Variants in TRIO observed in about 807,000 individuals in gnomAD.
The protein encoded by TRIO is trio Rho guanine nucleotide exchange factor, also known as triple functional domain protein.
In TRIO, 58 loss-of-function variants were observed where a neutral mutation model predicts 351.9. That is an observed-to-expected ratio of 0.16 (90% CI 0.13 to 0.21). The LOEUF (loss-of-function observed/expected upper bound fraction) is 0.21, where lower values mean the gene tolerates loss of function less well. TRIO is among the 10% of genes least tolerant of loss of function. The pLI, the probability that TRIO is intolerant of heterozygous loss-of-function variation, is 1.00. For missense variants in TRIO, 3,201 were observed against 4,027.8 expected (o/e 0.79, Z 5.56); for synonymous variants, 1,758 against 1,595.7 (o/e 1.10, Z -2.42).
intron 19 of TRIO, among the ~76,000 whole-genome samples, chr5:14,376,248 C>T (rs1400712812): frequency 6.6e-6 from 1 of 152,162 alleles, no homozygotes; most frequent in African/African-American, 2.4e-5. Flanking sequence ...TTACCGGGAA[C>T]CCTTTATTTG....
At chr5:14,308,323 CCCATCCAT>C (rs368151550) in intron 8 of TRIO, among the ~76,000 whole-genome samples, 1 of 147,818 alleles carries the variant, frequency 6.8e-6, no homozygotes, top group South Asian at 2.2e-4. Flanking sequence ...CACCCAACCA[CCCATCCAT>C]CCATCCACCC....
intron 1 of TRIO, among the ~76,000 whole-genome samples, chr5:14,227,420 A>G (rs537657678): frequency 6.6e-6 from 1 of 152,358 alleles, no homozygotes; most frequent in Non-Finnish European, 1.5e-5. Context: ...GTGTAACTCT[A>G]GACTTCTGAT....
At chr5:14,421,920 A>G (rs528203196) in intron 34 of TRIO, among the ~76,000 whole-genome samples, 2 of 152,216 alleles carry the variant, frequency 1.3e-5, no homozygotes, top group South Asian at 4.1e-4. Flanking sequence ...GGAAGCAGAG[A>G]CCCAGGCTTG....
In TRIO at chr5:14,207,460, C is replaced by T. The variant is rs55993704; in HGVS notation, c.158-63365C>T. On this transcript the variant is annotated intron_variant, in intron 1 of 56. Coordinates refer to ENST00000344204, the MANE Select transcript of TRIO (RefSeq NM_007118.4). ...GCCAGGTAGCATAGCAAGACTGTCT[C>T]TCTACACACACACACACACACACAC... is the stretch of plus-strand genomic sequence containing the variant. Among the ~76,000 whole-genome samples, 166 of 41,116 alleles carry T rather than the reference C, an allele frequency of 4.0e-3. 13 individuals carry two copies. Among genetic ancestry groups the T allele is most frequent in the African/African-American group, 0.017 (157 of 9,030 alleles). The allele number at this position is 41,116 out of a possible 152,430, so 27.0% of individuals were successfully genotyped here.
intron 1 of TRIO, among the ~76,000 whole-genome samples, chr5:14,220,617 G>T (rs1380166075): frequency 6.6e-6 from 1 of 152,150 alleles, no homozygotes. Context: ...ACACACAAAT[G>T]ATAAGAAATC....
intron 13 of TRIO, 80 bp downstream of exon 13, chr5:14,359,611 G>A (rs970385576): frequency 2.6e-6 from 4 of 1,522,082 alleles, no homozygotes; most frequent in Admixed American, 1.8e-5. Flanking sequence ...TCTTGTCTCT[G>A]CCCTGCTGAG....
At chr5:14,448,112 G>A (rs77130623) in intron 34 of TRIO, among the ~76,000 whole-genome samples, 2,183 of 152,332 alleles carry the variant, frequency 0.014, 43 homozygotes, top group African/African-American at 0.05. Flanking sequence ...TACGCATGCT[G>A]AATTTGTTTT....
chr5:14,282,848 A>G (rs1216755749), intron 3 of TRIO, among the ~76,000 whole-genome samples: 1 of 152,184 alleles, frequency 6.6e-6, no homozygotes, highest in Non-Finnish European at 1.5e-5. Flanking sequence ...GTCCCAAGTG[A>G]CAAGAAATGC....
rs1421878691 is a variant in TRIO, at chr5:14,390,285, T to C, written c.4113T>C (p.His1371=). Residue 1371 remains histidine, a synonymous_variant, in exon 26 of 57, where the codon CAT becomes CAC. Coordinates refer to ENST00000344204, the MANE Select transcript of TRIO (RefSeq NM_007118.4). The stretch of plus-strand genomic sequence containing the variant: ...AACAGTTGCCAGAGGATGTTGGACA[T>C]TGTTTTGTTACTTGGGTAATGAAAC... ...KYEQLPEDVG[H]CFVTWADKFQ... 1 of 1,613,958 alleles carries C rather than the reference T, an allele frequency of 6.2e-7. No individual in the cohort carries two copies. Among genetic ancestry groups the C allele is most frequent in the African/African-American group, 1.3e-5 (1 of 74,934 alleles).
At chr5:14,182,931 C>T (rs1789882100) in intron 1 of TRIO, among the ~76,000 whole-genome samples, 1 of 151,254 alleles carries the variant, frequency 6.6e-6, no homozygotes, top group South Asian at 2.1e-4. Flanking sequence ...CATTTGCGTG[C>T]CCCTGCCTGC....
intron 53 of TRIO, chr5:14,499,169 C>T (rs1757104276): frequency 6.5e-6 from 1 of 153,288 alleles, no homozygotes; most frequent in Admixed American, 6.5e-5. Flanking sequence ...ACGCCCTCCT[C>T]ACCCCATCCA....
At chr5:14,360,391 G>A (rs1355510510) in intron 13 of TRIO, among the ~76,000 whole-genome samples, 1 of 152,192 alleles carries the variant, frequency 6.6e-6, no homozygotes, top group Non-Finnish European at 1.5e-5. Flanking sequence ...AGGAGCCTAA[G>A]CTCCCCTCAG....
intron 29 of TRIO, 142 bp from the exon 30 acceptor site, chr5:14,398,736 CGA>C: frequency 1.4e-6 from 1 of 714,508 alleles, no homozygotes; most frequent in Non-Finnish European, 2.3e-6. Flanking sequence ...TCAGTGGCGT[CGA>C]GTCAGGATCA....
chr5:14,409,759 C>T (rs575147571), intron 33 of TRIO, among the ~76,000 whole-genome samples: 4 of 150,006 alleles, frequency 2.7e-5, no homozygotes, highest in Non-Finnish European at 5.9e-5. Context: ...GGCATGAACC[C>T]GGGAGGCAGA....
intron 34 of TRIO, among the ~76,000 whole-genome samples, chr5:14,426,228 A>T (rs1750628792): frequency 2.7e-5 from 1 of 36,726 alleles, no homozygotes; most frequent in Admixed American, 3.0e-4. Context: ...ACGCACATGT[A>T]CACACACATG....
chr5:14,173,190 C>CTTTT (rs758636385), intron 1 of TRIO, among the ~76,000 whole-genome samples: 5 of 66,480 alleles, frequency 7.5e-5, no homozygotes, highest in African/African-American at 3.0e-4. Flanking sequence ...TTGTATGTTC[C>CTTTT]TTTTTTTTTT....
intron 9 of TRIO, among the ~76,000 whole-genome samples, chr5:14,317,613 T>C (rs1227841782): frequency 6.6e-6 from 1 of 152,232 alleles, no homozygotes; most frequent in Non-Finnish European, 1.5e-5. Context: ...AGTCGCCCTG[T>C]GTTCTGATGA....
chr5:14,443,477 T>C (rs1752218630), intron 34 of TRIO, among the ~76,000 whole-genome samples: 1 of 152,226 alleles, frequency 6.6e-6, no homozygotes, highest in Non-Finnish European at 1.5e-5. Flanking sequence ...ATGCATCACA[T>C]TTTAAAAGGA....
At chr5:14,245,357 A>C (rs1372576469) in intron 1 of TRIO, among the ~76,000 whole-genome samples, 1 of 152,224 alleles carries the variant, frequency 6.6e-6, no homozygotes, top group Non-Finnish European at 1.5e-5. Flanking sequence ...TGATAGGATC[A>C]GTGTACGGTT....
Sources: allele counts gnomAD v4.1 joint callset (sites outside exome capture counted in the v4.1 genomes callset), GRCh38; gene constraint gnomAD v4.1.1; transcripts MANE v1.5; gene names NCBI Gene and HGNC (gene_info 2026-07-23, HGNC 2026-07-21).